The following TMTC2 variants were observed in gnomAD, a reference collection of about 807,000 sequenced individuals.
TMTC2 encodes transmembrane O-mannosyltransferase targeting cadherins 2.
Under a neutral mutation model 82.4 loss-of-function variants are expected in TMTC2, and 43 were observed. The observed-to-expected ratio is 0.52, with a 90% CI of 0.41 to 0.67. The LOEUF is 0.67. Ranked by LOEUF, TMTC2 falls within the 30% of genes least tolerant of loss-of-function variation. TMTC2 has a pLI of 0.00. For synonymous variants in TMTC2, 408 were observed against 381.9 expected (o/e 1.07, Z -0.80); for missense variants, 919 against 1,012.4 (o/e 0.91, Z 1.25).
intron 10 of TMTC2, among the ~76,000 whole-genome samples, chr12:83,058,630 A>T (rs1237352786): frequency 6.6e-6 from 1 of 151,860 alleles, no homozygotes; most frequent in Non-Finnish European, 1.5e-5. Flanking sequence ...CTAGGGTGGC[A>T]TGTTAAACGG....
chr12:83,105,898 T>C (rs965663041), intron 11 of TMTC2, among the ~76,000 whole-genome samples: 2 of 152,002 alleles, frequency 1.3e-5, no homozygotes, highest in African/African-American at 4.8e-5. Flanking sequence ...TCACCATGAA[T>C]GGGAATCAGC....
At chr12:82,834,357 A>G (rs144125047) in intron 1 of TMTC2, among the ~76,000 whole-genome samples, 11 of 152,316 alleles carry the variant, frequency 7.2e-5, no homozygotes, top group East Asian at 1.9e-4. Flanking sequence ...AAATTTGTCT[A>G]TTGTAGCCCT....
intron 3 of TMTC2, among the ~76,000 whole-genome samples, chr12:82,909,666 GC>G (rs1219954694): frequency 6.6e-6 from 1 of 152,050 alleles, no homozygotes; most frequent in African/African-American, 2.4e-5. Flanking sequence ...CTTCAGGTTT[GC>G]CCTTACTTTC....
At chr12:82,826,342 A>G (rs1480958185) in intron 1 of TMTC2, among the ~76,000 whole-genome samples, 1 of 152,168 alleles carries the variant, frequency 6.6e-6, no homozygotes, top group Non-Finnish European at 1.5e-5. Context: ...GTTAGAACCC[A>G]CGAATACCAT....
intron 11 of TMTC2, among the ~76,000 whole-genome samples, chr12:83,108,474 A>G (rs1467172011): frequency 6.6e-6 from 1 of 152,132 alleles, no homozygotes; most frequent in Admixed American, 6.5e-5. Flanking sequence ...TACTAAAAAT[A>G]CAAAAATTAG....
chr12:82,766,100 T>C (rs1267960547), intron 1 of TMTC2, among the ~76,000 whole-genome samples: 1 of 152,212 alleles, frequency 6.6e-6, no homozygotes, highest in African/African-American at 2.4e-5. Context: ...CTTTGGATCC[T>C]AAAGGCTTGG....
intron 1 of TMTC2, among the ~76,000 whole-genome samples, chr12:82,794,683 C>G (rs1379624498): frequency 6.6e-6 from 1 of 152,072 alleles, no homozygotes; most frequent in East Asian, 1.9e-4. Flanking sequence ...TGAATTTAAC[C>G]ACATCTTGAA....
At position 83,045,240 on chromosome 12, in the gene TMTC2, T is replaced by C. The variant is rs190674877; in HGVS notation, c.2153-5664T>C. Among the ~76,000 whole-genome samples the C allele has an allele frequency of 5.9e-5, 9 of 152,334 alleles. 1 individual carries two copies. The East Asian group carries it at 9.6e-4, about 16-fold the overall frequency. On this transcript the variant is annotated intron_variant, in intron 9 of 11. Coordinates refer to ENST00000321196, the MANE Select transcript of TMTC2 (RefSeq NM_152588.3). ...TTATTTTATATCATCTGGTTTTCCC[T>C]ACTCAAATTACTTTAAAAAATAATT...
intron 11 of TMTC2, among the ~76,000 whole-genome samples, chr12:83,105,151 G>A (rs1237472651): frequency 1.3e-5 from 2 of 152,132 alleles, no homozygotes; most frequent in African/African-American, 2.4e-5. Context: ...TTCACGGTCC[G>A]TATTACCATC....
At chr12:82,899,446 T>C (rs891840936) in intron 3 of TMTC2, among the ~76,000 whole-genome samples, 1 of 151,388 alleles carries the variant, frequency 6.6e-6, no homozygotes, top group Non-Finnish European at 1.5e-5. Flanking sequence ...ATCCAGAGCT[T>C]GGCCACTTTT....
At chr12:82,877,166 C>G (rs185814297) in intron 2 of TMTC2, among the ~76,000 whole-genome samples, 4 of 151,894 alleles carry the variant, frequency 2.6e-5, no homozygotes, top group South Asian at 2.1e-4. Flanking sequence ...TTGCATTGAT[C>G]AAAGTTAAAT....
intron 7 of TMTC2, among the ~76,000 whole-genome samples, chr12:82,972,944 G>A (rs1463518717): frequency 6.6e-6 from 1 of 152,058 alleles, no homozygotes; most frequent in Non-Finnish European, 1.5e-5. Context: ...TTAAAGTGGG[G>A]ATATTCAGAG....
chr12:82,941,380 A>G (rs899472188), intron 4 of TMTC2, among the ~76,000 whole-genome samples: 3 of 152,240 alleles, frequency 2.0e-5, no homozygotes, highest in Non-Finnish European at 2.9e-5. Context: ...AACTGTGTAT[A>G]TGTTAATAAA....
At chr12:82,837,328 C>A (rs1314692540) in intron 1 of TMTC2, among the ~76,000 whole-genome samples, 3 of 152,104 alleles carry the variant, frequency 2.0e-5, no homozygotes, top group African/African-American at 7.2e-5. Context: ...TGTACAATGG[C>A]TGGGCATGGT....
intron 11 of TMTC2, among the ~76,000 whole-genome samples, chr12:83,113,624 C>A (rs962136881): frequency 4.6e-5 from 7 of 152,194 alleles, no homozygotes; most frequent in African/African-American, 1.7e-4. Flanking sequence ...AGTGTCATGG[C>A]TTAGAGTACA....
rs551047418 is a variant in TMTC2, at chr12:82,773,014, T to G, written c.84-83996T>G. Among the ~76,000 whole-genome samples, 9 of 152,358 alleles carry G rather than the reference T, an allele frequency of 5.9e-5. No individual in the cohort carries two copies. The East Asian group carries it at 1.7e-3, about 29-fold the overall frequency. ...GGTATTTTTTGTTTGTGTTTAAATATAGTTTGGTATTGTCATGAATATGTA... is the reference window on the plus strand; with the variant it reads ...GGTATTTTTTGTTTGTGTTTAAATAGAGTTTGGTATTGTCATGAATATGTA... On this transcript the variant is annotated intron_variant, in intron 1 of 11. Coordinates refer to ENST00000321196, the MANE Select transcript of TMTC2 (RefSeq NM_152588.3).
chr12:82,691,361 A>G (rs1408614370), intron 1 of TMTC2, among the ~76,000 whole-genome samples: 1 of 152,212 alleles, frequency 6.6e-6, no homozygotes, highest in African/African-American at 2.4e-5. Context: ...ACTACACAGC[A>G]GAAGTTTCTA....
intron 1 of TMTC2, among the ~76,000 whole-genome samples, chr12:82,783,429 A>G (rs1240240938): frequency 2.0e-5 from 3 of 151,730 alleles, no homozygotes; most frequent in Admixed American, 6.6e-5. Flanking sequence ...GCTGGAGGCA[A>G]ACCTTCCCTT....
intron 8 of TMTC2, among the ~76,000 whole-genome samples, chr12:82,998,893 T>A (rs979705807): frequency 2.0e-5 from 3 of 152,184 alleles, no homozygotes; most frequent in African/African-American, 7.2e-5. Context: ...ATGCAATTAA[T>A]TTTTAATAAA....
Sources: allele counts gnomAD v4.1 joint callset (sites outside exome capture counted in the v4.1 genomes callset), GRCh38; gene constraint gnomAD v4.1.1; transcripts MANE v1.5; gene names NCBI Gene and HGNC (gene_info 2026-07-23, HGNC 2026-07-21).